CGGBP1: variants seen among roughly 807,000 people sequenced by gnomAD.
CGGBP1 encodes the protein CGG triplet repeat-binding protein 1.
In CGGBP1, 4 loss-of-function variants were observed where a neutral mutation model predicts 11.4. The observed-to-expected ratio is 0.35, with a 90% confidence interval of 0.17 to 0.80. CGGBP1 has a LOEUF of 0.80. Ranked by LOEUF, CGGBP1 falls within the 30% of genes least tolerant of loss-of-function variation. The pLI, the probability that CGGBP1 is intolerant of heterozygous loss-of-function variation, is 0.52. For missense variants in CGGBP1, 135 were observed against 202.1 expected (o/e 0.67, Z 2.01); for synonymous variants, 76 against 74.1 (o/e 1.03, Z -0.13).
intron 2 of CGGBP1, among the ~76,000 whole-genome samples, chr3:88,137,743 G>C (rs1375772798): frequency 6.6e-6 from 1 of 152,086 alleles, no homozygotes; most frequent in Non-Finnish European, 1.5e-5. Context: ...TGGATAAAGT[G>C]AAAATCGGAT....
intron 1 of CGGBP1, chr3:88,141,216 T>TA: frequency 1.3e-6 from 1 of 761,956 alleles, no homozygotes; most frequent in Non-Finnish European, 2.0e-6. Context: ...TATGAGGTGA[T>TA]ACTAATATTC....
Position 88,084,163 on chromosome 3 carries a change from C to A in CGGBP1, c.-228-25940G>T, listed in dbSNP as rs1438771702. Among the ~76,000 whole-genome samples the A allele has an allele frequency of 6.6e-5, 10 of 152,106 alleles. No individual in the cohort carries two copies. In the East Asian group the frequency reaches 1.9e-3, roughly 29 times the overall value. The stretch of plus-strand genomic sequence containing the variant: ...TGTGTTAGGTTTGGCCTCAGCTAGA[C>A]TAGGCAAATACATTGGTAGCCAAAC... On this transcript the variant is annotated intron_variant, in intron 2 of 3. Transcript: ENST00000462901.
chr3:88,135,103 T>C, intron 2 of CGGBP1: 1 of 1,479,326 alleles, frequency 6.8e-7, no homozygotes, highest in South Asian at 1.4e-5. Context: ...TTAAATCTAA[T>C]CCTTCAAAAC....
At chr3:88,092,949 T>C (rs1026147868) in intron 2 of CGGBP1, among the ~76,000 whole-genome samples, 41 of 152,204 alleles carry the variant, frequency 2.7e-4, no homozygotes, top group Non-Finnish European at 5.1e-4. Flanking sequence ...CTTTTATTTA[T>C]ACTTGAGTGT....
rs190720848 is a variant in CGGBP1, at chr3:88,099,865, A to C, written c.-229+41105T>G. Reference sequence around the variant, plus strand: ...CTTAAATGTTAGACCTAAAACCATAAAAACCCTAGAAGAAAACGTAGGCAA... The same window carrying C: ...CTTAAATGTTAGACCTAAAACCATACAAACCCTAGAAGAAAACGTAGGCAA... On this transcript the variant is annotated intron_variant, in intron 2 of 3. Coordinates refer to the CGGBP1 transcript ENST00000462901. Among the ~76,000 whole-genome samples, 142 of 152,354 alleles carry C rather than the reference A, an allele frequency of 9.3e-4. No homozygotes were observed. The Middle Eastern group carries it at 0.014, about 15-fold the overall frequency.
upstream of CGGBP1, among the ~76,000 whole-genome samples, chr3:88,061,109 A>G (rs1706855540): frequency 2.6e-5 from 4 of 152,138 alleles, no homozygotes; most frequent in Admixed American, 1.3e-4. Context: ...TTTTGTAACT[A>G]TACCTTTTAC....
intron 2 of CGGBP1, among the ~76,000 whole-genome samples, chr3:88,137,873 T>C (rs1047042830): frequency 6.6e-6 from 1 of 152,110 alleles, no homozygotes; most frequent in Non-Finnish European, 1.5e-5. Context: ...ATCTATACTA[T>C]ACCATATGTA....
At chr3:88,148,508 A>G (rs1421827824) in intron 1 of CGGBP1, among the ~76,000 whole-genome samples, 1 of 152,252 alleles carries the variant, frequency 6.6e-6, no homozygotes, top group Non-Finnish European at 1.5e-5. Flanking sequence ...GCAGGCATTC[A>G]TTAATACTTA....
At chr3:88,126,712 A>AT (rs1706126873) in intron 2 of CGGBP1, among the ~76,000 whole-genome samples, 1 of 150,974 alleles carries the variant, frequency 6.6e-6, no homozygotes, top group Non-Finnish European at 1.5e-5. Context: ...ACTACTGCAT[A>AT]TCCTATAGCT....
At chr3:88,123,364 A>G (rs1362026769) in intron 2 of CGGBP1, among the ~76,000 whole-genome samples, 1 of 152,226 alleles carries the variant, frequency 6.6e-6, no homozygotes, top group Non-Finnish European at 1.5e-5. Flanking sequence ...ATTAATTTTT[A>G]TCTTAGAAAA....
intron 2 of CGGBP1, among the ~76,000 whole-genome samples, chr3:88,092,536 C>G (rs2107683174): frequency 6.6e-6 from 1 of 152,138 alleles, no homozygotes; most frequent in South Asian, 2.1e-4. Context: ...GATGAAGGAG[C>G]AGAAGAGCCT....
upstream of CGGBP1, among the ~76,000 whole-genome samples, chr3:88,061,009 T>TTTTTATTTTGATAATTGGCATTCAC (rs1343164211): frequency 1.3e-5 from 2 of 152,158 alleles, no homozygotes; most frequent in African/African-American, 2.4e-5. Context: ...TGAAAATGTA[T>TTTTTATTTTGATAATTGGCATTCAC]TTTTATTTTG....
At chr3:88,067,886 CTT>C (rs76481798) in intron 2 of CGGBP1, among the ~76,000 whole-genome samples, 8 of 139,574 alleles carry the variant, frequency 5.7e-5, no homozygotes, top group Admixed American at 7.2e-5. Flanking sequence ...TCTTTTCTTT[CTT>C]TTTTTTTTTT....
intron 2 of CGGBP1, among the ~76,000 whole-genome samples, chr3:88,072,029 A>G (rs1157295980): frequency 6.6e-6 from 1 of 152,200 alleles, no homozygotes; most frequent in Non-Finnish European, 1.5e-5. Context: ...TATCTTAGGC[A>G]TAAATCTACA....
intron 2 of CGGBP1, among the ~76,000 whole-genome samples, chr3:88,074,516 A>G (rs1308568103): frequency 6.6e-6 from 1 of 151,688 alleles, no homozygotes; most frequent in African/African-American, 2.4e-5. Context: ...TAATTTTTAT[A>G]TTTTTAGTAG....
intron 2 of CGGBP1, chr3:88,138,584 G>T (rs1706944226): frequency 1.9e-6 from 1 of 518,050 alleles, no homozygotes; most frequent in Non-Finnish European, 3.0e-6. Flanking sequence ...ATGGAAAATT[G>T]GACATTGGAA....
At chr3:88,062,910 AG>A (rs2107585348), upstream of CGGBP1, among the ~76,000 whole-genome samples, 1 of 152,344 alleles carries the variant, frequency 6.6e-6, no homozygotes, top group East Asian at 1.9e-4. Flanking sequence ...GAGGGACATT[AG>A]AGATAATCTG....
chr3:88,102,626 C>T (rs1482850450), intron 2 of CGGBP1, among the ~76,000 whole-genome samples: 1 of 152,148 alleles, frequency 6.6e-6, no homozygotes, highest in Non-Finnish European at 1.5e-5. Context: ...TCAGCCTCTC[C>T]TGTAAATCCA....
intron 2 of CGGBP1, among the ~76,000 whole-genome samples, chr3:88,067,419 G>A (rs866170224): frequency 6.6e-6 from 1 of 152,194 alleles, no homozygotes; most frequent in African/African-American, 2.4e-5. Context: ...TATCATAGCC[G>A]TGTGGATGGT....
Sources: gnomAD v4.1 joint callset for allele counts (sites outside exome capture counted in the v4.1 genomes callset) on GRCh38, gnomAD v4.1.1 for gene constraint, MANE v1.5 for transcripts, NCBI Gene and HGNC (gene_info 2026-07-23, HGNC 2026-07-21) for gene names.